The following CCM2 variants were observed in gnomAD, a reference collection of about 807,000 sequenced individuals.
The protein encoded by CCM2 is CCM2 scaffold protein.
In CCM2, 25 loss-of-function variants were observed where a neutral mutation model predicts 44.9. The ratio of observed to expected loss-of-function variants is 0.56; its 90% confidence interval spans 0.41 to 0.78. The LOEUF (loss-of-function observed/expected upper bound fraction) is 0.78, where lower values mean the gene tolerates loss of function less well. Ranked by LOEUF, CCM2 falls within the 30% of genes least tolerant of loss-of-function variation. CCM2 has a pLI of 0.00. For missense variants in CCM2, 481 were observed against 580.6 expected (o/e 0.83, Z 1.76); for synonymous variants, 219 against 241.1 (o/e 0.91, Z 0.85).
intron 1 of CCM2, among the ~76,000 whole-genome samples, chr7:45,010,212 A>G (rs1796014183): frequency 6.6e-6 from 1 of 152,196 alleles, no homozygotes; most frequent in African/African-American, 2.4e-5. Flanking sequence ...CTCCTGGCCA[A>G]ATAATACACA....
intron 2 of CCM2, 57 bp downstream of exon 2, chr7:45,038,483 G>A: frequency 2.6e-6 from 4 of 1,560,218 alleles, no homozygotes; most frequent in East Asian, 2.2e-5. Context: ...GGTCATGCTT[G>A]TATCCACCAG....
chr7:45,023,994 G>T (rs1231541364), intron 1 of CCM2, among the ~76,000 whole-genome samples: 1 of 151,874 alleles, frequency 6.6e-6, no homozygotes, highest in Admixed American at 6.6e-5. Context: ...ATTTTTAGTA[G>T]AGTTGGGGGT....
intron 1 of CCM2, among the ~76,000 whole-genome samples, chr7:45,005,947 T>C (rs1405170951): frequency 6.6e-6 from 1 of 152,214 alleles, no homozygotes; most frequent in South Asian, 2.1e-4. Context: ...TTGAAGCCAC[T>C]GGAGGTGTTC....
At chr7:45,004,925 G>A (rs1795785333) in intron 1 of CCM2, among the ~76,000 whole-genome samples, 1 of 151,426 alleles carries the variant, frequency 6.6e-6, no homozygotes, top group Non-Finnish European at 1.5e-5. Context: ...GAACTCGGGA[G>A]ATGGAGGTTG....
At chr7:45,070,610 ATTAC>A in intron 6 of CCM2, 1 of 353,944 alleles carries the variant, frequency 2.8e-6, no homozygotes, top group South Asian at 2.1e-5. Flanking sequence ...TTTCAGATGT[ATTAC>A]TTATTGAGGA....
At chr7:45,017,551 T>G (rs1796315126) in intron 1 of CCM2, among the ~76,000 whole-genome samples, 1 of 152,162 alleles carries the variant, frequency 6.6e-6, no homozygotes, top group Admixed American at 6.5e-5. Context: ...AGAACAGAGT[T>G]GATCTTGAAG....
chr7:45,055,497 G>A (rs564583255), intron 2 of CCM2, among the ~76,000 whole-genome samples: 1 of 152,140 alleles, frequency 6.6e-6, no homozygotes, highest in Non-Finnish European at 1.5e-5. Flanking sequence ...GACCAGCCTG[G>A]CCAAGATGGT....
intron 1 of CCM2, among the ~76,000 whole-genome samples, chr7:45,033,651 T>G (rs1238828893): frequency 2.0e-5 from 3 of 152,196 alleles, no homozygotes; most frequent in African/African-American, 7.2e-5. Context: ...GATGTGAGAT[T>G]ATCCATGTCT....
intron 2 of CCM2, among the ~76,000 whole-genome samples, chr7:45,047,466 A>G (rs1170980692): frequency 6.6e-6 from 1 of 152,142 alleles, no homozygotes; most frequent in Non-Finnish European, 1.5e-5. Context: ...GAGCCCAGGA[A>G]GTCCAGGCTG....
chr7:45,000,034 G>C (rs1017569218), upstream of CCM2, among the ~76,000 whole-genome samples: 2 of 151,950 alleles, frequency 1.3e-5, no homozygotes, highest in Admixed American at 1.3e-4. Context: ...AACGGGCCGT[G>C]TTCTCCCTGA....
chr7:45,034,156 A>C (rs1246931902), intron 1 of CCM2, among the ~76,000 whole-genome samples: 6 of 152,002 alleles, frequency 3.9e-5, no homozygotes, highest in Non-Finnish European at 8.8e-5. Flanking sequence ...GGGCAGCACA[A>C]GGCCACATGC....
rs1583991715 is a variant in CCM2, at chr7:45,073,103, C to T, written c.803+320C>T. On this transcript the variant is annotated intron_variant, in intron 7 of 9. Coordinates refer to ENST00000258781, the MANE Select transcript of CCM2 (RefSeq NM_031443.4). ...CCGAGGCGCTGGCCTTCCAGCCCATCTCTGCCACCACCTGGGGCTCTGTAG... is the reference window on the plus strand; with the variant it reads ...CCGAGGCGCTGGCCTTCCAGCCCATTTCTGCCACCACCTGGGGCTCTGTAG... The T allele has an allele frequency of 6.9e-6, 4 of 583,642 alleles. No individual in the cohort carries two copies. In the East Asian group the frequency reaches 1.2e-4, roughly 17 times the overall value. The allele number at this position is 583,642 out of a possible 1,614,324, so 36.2% of individuals were successfully genotyped here. A position where few individuals can be genotyped will look rare whatever the true frequency, so the allele number is the denominator to read the frequency against.
chr7:45,073,187 T>A (rs773324676), intron 7 of CCM2: 77 of 577,628 alleles, frequency 1.3e-4, no homozygotes, highest in Middle Eastern at 4.6e-4. Flanking sequence ...CTCCTTCCCC[T>A]GCCCAACAAT....
rs1480192107 is a variant in CCM2, at chr7:45,014,431, G to A, written c.30+14068G>A. On this transcript the variant is annotated intron_variant, in intron 1 of 9. Coordinates refer to ENST00000258781, the MANE Select transcript of CCM2 (RefSeq NM_031443.4). ...TGGGATTACAGGCATGAACCACCGC[G>A]CCCGGCCTATTTTAATTTTTAATTG... Among the ~76,000 whole-genome samples the A allele has an allele frequency of 3.3e-5, 5 of 151,754 alleles. No individual in the cohort carries two copies. In the South Asian group the frequency reaches 6.2e-4, roughly 19 times the overall value.
intron 1 of CCM2, among the ~76,000 whole-genome samples, chr7:45,037,267 G>A (rs1443248820): frequency 1.3e-5 from 2 of 151,440 alleles, no homozygotes; most frequent in East Asian, 3.9e-4. Flanking sequence ...GAGGCTTGCT[G>A]TAATCCTCTC....
At chr7:45,011,727 T>G (rs1796074788) in intron 1 of CCM2, among the ~76,000 whole-genome samples, 1 of 152,142 alleles carries the variant, frequency 6.6e-6, no homozygotes, top group Non-Finnish European at 1.5e-5. Flanking sequence ...AATTTTTGTA[T>G]TTTTAGTAGA....
chr7:45,071,932 G>C, intron 6 of CCM2: 2 of 452,446 alleles, frequency 4.4e-6, no homozygotes, highest in Non-Finnish European at 8.9e-6. Flanking sequence ...ACCAATTCCA[G>C]GGATTAGGAT....
At chr7:45,008,641 CGTG>C (rs1450302389) in intron 1 of CCM2, among the ~76,000 whole-genome samples, 2 of 148,504 alleles carry the variant, frequency 1.3e-5, no homozygotes, top group East Asian at 4.1e-4. Context: ...GGATTACAGG[CGTG>C]AGCCACCGCA....
intron 1 of CCM2, among the ~76,000 whole-genome samples, chr7:45,029,222 T>C (rs1003712549): frequency 6.6e-6 from 1 of 152,214 alleles, no homozygotes; most frequent in East Asian, 1.9e-4. Flanking sequence ...TGAATACTCA[T>C]GAGATGTACT....
Sources: allele counts gnomAD v4.1 joint callset (sites outside exome capture counted in the v4.1 genomes callset), GRCh38; gene constraint gnomAD v4.1.1; transcripts MANE v1.5; gene names NCBI Gene and HGNC (gene_info 2026-07-23, HGNC 2026-07-21).